The following CSMD1 variants were observed in gnomAD, a reference collection of about 807,000 sequenced individuals.
The protein encoded by CSMD1 is CUB and sushi domain-containing protein 1.
A neutral mutation model predicts 417.5 loss-of-function variants in CSMD1; 213 were observed. The ratio of observed to expected loss-of-function variants is 0.51; its 90% CI spans 0.46 to 0.57. The LOEUF is 0.57. Among genes scored for constraint, CSMD1 ranks in the 20% least tolerant of loss-of-function variants. The probability of loss-of-function intolerance (pLI) is 0.00; values close to 1 mark genes in which losing one functional copy is unlikely to be tolerated. For synonymous variants in CSMD1, 2,862 were observed against 1,736.8 expected, an observed-to-expected ratio of 1.65 and a Z score of -16.11; for missense variants, 6,923 against 4,529.7, an observed-to-expected ratio of 1.53 and a Z score of -15.17.
chr8:4,280,681 G>C (rs1384105903), intron 3 of CSMD1, among the ~76,000 whole-genome samples: 1 of 152,132 alleles, frequency 6.6e-6, no homozygotes, highest in African/African-American at 2.4e-5. Context: ...TGCTAACCTT[G>C]TCTAGATGAG....
intron 2 of CSMD1, among the ~76,000 whole-genome samples, chr8:4,547,177 G>A (rs573763861): frequency 1.3e-5 from 2 of 151,922 alleles, no homozygotes; most frequent in African/African-American, 2.4e-5. Context: ...ATCCCAACCC[G>A]TCCACTTATT....
intron 1 of CSMD1, among the ~76,000 whole-genome samples, chr8:4,984,752 G>C (rs551541866): frequency 2.6e-5 from 4 of 152,146 alleles, no homozygotes; most frequent in African/African-American, 9.7e-5. Context: ...CAAGGAGGAT[G>C]AACAGCAGAA....
At chr8:2,984,890 C>T (rs528143027) in intron 54 of CSMD1, among the ~76,000 whole-genome samples, 1 of 152,312 alleles carries the variant, frequency 6.6e-6, no homozygotes, top group East Asian at 1.9e-4. Context: ...TAATCCAACA[C>T]GTTTGACTAC....
intron 2 of CSMD1, among the ~76,000 whole-genome samples, chr8:4,569,109 T>TTG (rs1798760248): frequency 6.6e-6 from 1 of 152,074 alleles, no homozygotes; most frequent in African/African-American, 2.4e-5. Context: ...ATAGTTTTGT[T>TTG]TGTTTGTTTG....
intron 1 of CSMD1, among the ~76,000 whole-genome samples, chr8:4,822,573 A>G (rs1018250688): frequency 1.2e-4 from 19 of 152,046 alleles, no homozygotes; most frequent in African/African-American, 4.6e-4. Context: ...AAATTTTTAC[A>G]TTTTTATATT....
intron 11 of CSMD1, among the ~76,000 whole-genome samples, chr8:3,482,985 C>T (rs1184319979): frequency 1.3e-5 from 2 of 151,634 alleles, no homozygotes; most frequent in Non-Finnish European, 2.9e-5. Context: ...AAAACAGTGC[C>T]AAGAGGAAAA....
At chr8:2,964,649 C>A (rs564463350) in intron 59 of CSMD1, among the ~76,000 whole-genome samples, 2 of 152,314 alleles carry the variant, frequency 1.3e-5, no homozygotes, top group African/African-American at 4.8e-5. Context: ...CTGAATACTG[C>A]CGACACAACG....
intron 7 of CSMD1, among the ~76,000 whole-genome samples, chr8:3,662,999 G>A (rs1798498319): frequency 6.6e-6 from 1 of 151,992 alleles, no homozygotes; most frequent in South Asian, 2.1e-4. Context: ...AGAACTTAAA[G>A]TAAAATAAAT....
At chr8:3,227,704 T>A (rs1798596144) in intron 27 of CSMD1, among the ~76,000 whole-genome samples, 1 of 151,932 alleles carries the variant, frequency 6.6e-6, no homozygotes, top group Admixed American at 6.6e-5. Flanking sequence ...ACACACCATG[T>A]ACTGGTAAGT....
chr8:3,574,858 T>A, intron 10 of CSMD1, 87 bp downstream of exon 10: 1 of 1,434,980 alleles, frequency 7.0e-7, no homozygotes, highest in Non-Finnish European at 9.5e-7. Context: ...TAAGCACGGA[T>A]AGCATTTGCT....
At chr8:4,556,179 G>C (rs916552096) in intron 2 of CSMD1, among the ~76,000 whole-genome samples, 10 of 152,046 alleles carry the variant, frequency 6.6e-5, no homozygotes, top group Admixed American at 5.2e-4. Flanking sequence ...TAATTCTTTT[G>C]AATTTACGAC....
At chr8:3,305,071 A>AGTG (rs1479935040) in intron 25 of CSMD1, among the ~76,000 whole-genome samples, 2 of 152,170 alleles carry the variant, frequency 1.3e-5, no homozygotes, top group African/African-American at 4.8e-5. Context: ...TTAAGACTGC[A>AGTG]GTGGTGTGAT....
intron 56 of CSMD1, 32 bp from the exon 57 acceptor site, chr8:2,973,331 A>G: frequency 6.2e-7 from 1 of 1,602,072 alleles, no homozygotes. Context: ...GGCAATCCAC[A>G]ATTGTGTTAG....
intron 3 of CSMD1, among the ~76,000 whole-genome samples, chr8:4,039,352 G>C (rs1263219102): frequency 6.6e-6 from 1 of 152,168 alleles, no homozygotes; most frequent in Admixed American, 6.5e-5. Context: ...GCTGCTGAAA[G>C]CTCTTCACCC....
chr8:4,427,285 T>C (rs960529387), intron 2 of CSMD1, among the ~76,000 whole-genome samples: 1 of 152,162 alleles, frequency 6.6e-6, no homozygotes, highest in Non-Finnish European at 1.5e-5. Context: ...GTGGCCTTGG[T>C]GAGCAGGTCT....
intron 5 of CSMD1, among the ~76,000 whole-genome samples, chr8:3,807,867 T>C (rs74765899): frequency 0.016 from 2,467 of 152,260 alleles, 52 homozygotes; most frequent in East Asian, 0.038. Context: ...CTTGGGGTAA[T>C]GCTAAGTACA....
At position 3,652,323 on chromosome 8, in the gene CSMD1, G is replaced by A. The variant is rs183076962; in HGVS notation, c.1010-35526C>T. On this transcript the variant is annotated intron_variant, in intron 7 of 69. Coordinates refer to ENST00000635120, the MANE Select transcript of CSMD1 (RefSeq NM_033225.6). ...CAGCATGCTTAACCACCATCGGAGT[G>A]CTCACCACCATCAGCGTGCTTACCA... Among the ~76,000 whole-genome samples, 9 of 150,486 alleles carry A rather than the reference G, an allele frequency of 6.0e-5. No homozygotes were observed. In the East Asian group the frequency reaches 9.9e-4, roughly 17 times the overall value.
intron 8 of CSMD1, among the ~76,000 whole-genome samples, chr8:3,612,473 G>T (rs1309344692): frequency 1.3e-5 from 2 of 152,050 alleles, no homozygotes; most frequent in Non-Finnish European, 2.9e-5. Context: ...GACATTTATG[G>T]AACACTTCAC....
intron 3 of CSMD1, among the ~76,000 whole-genome samples, chr8:4,252,208 C>A (rs185768808): frequency 6.6e-6 from 1 of 152,098 alleles, no homozygotes; most frequent in Non-Finnish European, 1.5e-5. Flanking sequence ...TAAAACAAGA[C>A]AAAGGTAAAC....
Sources: gnomAD v4.1 joint callset for allele counts (sites outside exome capture counted in the v4.1 genomes callset) on GRCh38, gnomAD v4.1.1 for gene constraint, MANE v1.5 for transcripts, NCBI Gene and HGNC (gene_info 2026-07-23, HGNC 2026-07-21) for gene names.